The following SDF2L1 variants were observed in gnomAD, a reference collection of about 807,000 sequenced individuals.
SDF2L1 encodes the protein stromal cell derived factor 2 like 1.
A neutral mutation model predicts 19.4 loss-of-function variants in SDF2L1; 18 were observed. The ratio of observed to expected loss-of-function variants is 0.93; its 90% CI spans 0.64 to 1.38. The LOEUF (loss-of-function observed/expected upper bound fraction) is 1.38. Among genes scored for constraint, SDF2L1 ranks in the 40% most tolerant of loss-of-function variants. The pLI is 0.00. For missense variants in SDF2L1, 263 were observed against 319.4 expected (o/e 0.82, Z 1.35); for synonymous variants, 161 against 148.9 (o/e 1.08, Z -0.59).
chr22:21,643,992 C>T lies in SDF2L1; in HGVS notation c.483C>T (p.Arg161=), dbSNP rs1293729782. The change falls in exon 3 of 3, where the codon CGC becomes CGT. Residue 161 remains arginine, a synonymous_variant. Transcript: ENST00000248958. ...GQHWEREAAV[R]FQHVGTSVFL... is the part of the protein sequence containing the mutation. ...ACTGGGAGCGTGAGGCTGCTGTGCG[C>T]TTCCAGCATGTGGGCACCTCTGTGT... 3.1e-6 allele frequency: 5 copies of T among 1,614,174 alleles called. No homozygotes were observed. Among genetic ancestry groups the T allele is most frequent in the Non-Finnish European group, 3.4e-6 (4 of 1,180,034 alleles).
chr22:21,643,136 G>C (rs1469936205), intron 2 of SDF2L1, 78 bp downstream of exon 2: 16 of 1,469,218 alleles, frequency 1.1e-5, no homozygotes, highest in Non-Finnish European at 1.5e-5. Context: ...GTTCCAATCC[G>C]AGCCTCAGCT....
Position 21,642,461 on chromosome 22 carries a change from T to C in SDF2L1, c.125T>C (p.Leu42Pro). ...GAELVTCGSV[L>P]KLLNTHHRVR... is the part of the protein sequence containing the mutation. ...GAGCTCGTGACCTGCGGGTCGGTGCTGAAGCTGCTCAATACGCACCACCGC... is the reference window on the plus strand; with the variant it reads ...GAGCTCGTGACCTGCGGGTCGGTGCCGAAGCTGCTCAATACGCACCACCGC... Residue 42 changes from leucine to proline, a missense_variant, in exon 1 of 3, where the codon CTG (leucine) becomes CCG (proline). Physicochemically the swap from Leu to Pro is moderately conservative, Grantham distance 98 (BLOSUM62 -3). Around this residue, in one of 3 missense-constraint regions of SDF2L1, gnomAD observed 203 missense variants for 256.9 expected, o/e 0.79. Transcript: ENST00000248958. The C allele has an allele frequency of 6.6e-7, 1 of 1,506,590 alleles. No homozygotes were observed. Among genetic ancestry groups the C allele is most frequent in the Admixed American group, 2.6e-5 (1 of 37,874 alleles). 93.3% of individuals were successfully genotyped at this position (1,506,590 alleles called of 1,614,324 possible).
chr22:21,642,810 C>T (rs1322198902), intron 1 of SDF2L1, 52 bp from the exon 2 acceptor site: 2 of 1,545,682 alleles, frequency 1.3e-6, no homozygotes, highest in East Asian at 2.4e-5. Context: ...GGCGAGGGTC[C>T]GGGGTTCCGC....
chr22:21,642,409 G>C lies in SDF2L1; in HGVS notation c.73G>C (p.Gly25Arg). Residue 25 changes from glycine (G) to arginine (R), a missense_variant, in exon 1 of 3, where the codon GGC becomes CGC. Gly to Arg is a moderately radical substitution (Grantham distance 125, BLOSUM62 -2). Around this residue, in one of 3 missense-constraint regions of SDF2L1, gnomAD observed 56 missense variants for 45.3 expected, o/e 1.24. Transcript: ENST00000248958. The stretch of plus-strand genomic sequence containing the variant: ...GCTGCTGCTGGCGCTGTTAGTGCCG[G>C]GCGGTGGTGCCGCCAAGACCGGTGC... Reference protein sequence around the residue: ...LGLLLALLVPGGGAAKTGAEL... With the variant: ...LGLLLALLVPRGGAAKTGAEL... The C allele has an allele frequency of 1.4e-6, 2 of 1,456,052 alleles. No individual in the cohort carries two copies. The highest frequency in any genetic ancestry group is 1.8e-6 in the Non-Finnish European group (2 of 1,114,196). The allele number at this position is 1,456,052 out of a possible 1,614,324, so 90.2% of individuals were successfully genotyped here.
rs373881819 is a variant in SDF2L1 at position 21,642,872 on chromosome 22, G to A, written c.198G>A (p.Gln66=). ...HDIKYGSGSG[Q]QSVTGVEASD... ...GGTGTCACTCCTCAGGCAGCGGCCA[G>A]CAATCGGTGACCGGCGTAGAGGCGT... is the stretch of plus-strand genomic sequence containing the variant. The change falls in exon 2 of 3, where the codon CAG becomes CAA. Residue 66 remains glutamine, a synonymous_variant. Coordinates refer to ENST00000248958, the MANE Select transcript of SDF2L1 (RefSeq NM_022044.3). 3 of 1,596,274 alleles carry A rather than the reference G, an allele frequency of 1.9e-6. No homozygotes were observed. In the African/African-American group the frequency reaches 4.0e-5, roughly 21 times the overall value.
chr22:21,642,765 C>A, intron 1 of SDF2L1, 97 bp from the exon 2 acceptor site: 1 of 1,424,218 alleles, frequency 7.0e-7, no homozygotes, highest in Non-Finnish European at 9.5e-7. Context: ...TGGGGGTGAG[C>A]CCTTGGGGTC....
At chr22:21,643,121 C>T (rs2066094291) in intron 2 of SDF2L1, 63 bp downstream of exon 2, 1 of 1,516,916 alleles carries the variant, frequency 6.6e-7, no homozygotes, top group Non-Finnish European at 8.9e-7. Context: ...GAGACAGAGC[C>T]CTGGGTTCCA....
rs139376338 is a variant in SDF2L1 at position 21,642,867 on chromosome 22, G to A, written c.193G>A (p.Gly65Ser). ...TGTGGGGTGTCACTCCTCAGGCAGC[G>A]GCCAGCAATCGGTGACCGGCGTAGA... ...SHDIKYGSGS[G>S]QQSVTGVEAS... The change falls in exon 2 of 3, where the codon GGC becomes AGC. Residue 65 changes from glycine (G) to serine (S), a missense_variant. Physicochemically the swap from Gly to Ser is moderately conservative, Grantham distance 56. This residue lies in a region of SDF2L1 where 203 missense variants were observed against 256.9 expected (regional missense o/e 0.79). Transcript: ENST00000248958. The A allele has an allele frequency of 2.5e-6, 4 of 1,595,088 alleles. No individual in the cohort carries two copies. Among genetic ancestry groups the A allele is most frequent in the East Asian group, 2.3e-5 (1 of 43,766 alleles).
intron 2 of SDF2L1, among the ~76,000 whole-genome samples, chr22:21,643,498 CAG>C (rs2066097225): frequency 6.6e-6 from 1 of 152,132 alleles, no homozygotes; most frequent in Non-Finnish European, 1.5e-5. Context: ...CATTGGAATT[CAG>C]GGGATTGGAA....
At position 21,642,372 on chromosome 22, in the gene SDF2L1, G is replaced by T. The variant is rs943788508; in HGVS notation, c.36G>T (p.Pro12=). The T allele has an allele frequency of 1.4e-6, 2 of 1,420,366 alleles. No homozygotes were observed. The highest frequency in any genetic ancestry group is 7.5e-5 in the Admixed American group (2 of 26,686). 88.0% of individuals were successfully genotyped at this position (1,420,366 alleles called of 1,614,324 possible). A position where few individuals can be genotyped will look rare whatever the true frequency, so the allele number is the denominator to read the frequency against. The change falls in exon 1 of 3, where the codon CCG becomes CCT. Residue 12 remains proline, a synonymous_variant. Coordinates refer to ENST00000248958, the MANE Select transcript of SDF2L1 (RefSeq NM_022044.3). The part of the protein sequence containing the change: ...WSAGRGGAAW[P]VLLGLLLALL... ...CGGGCCGCGGCGGGGCTGCCTGGCC[G>T]GTGCTGTTGGGGCTGCTGCTGGCGC...
At chr22:21,643,273 G>A (rs2066095652) in intron 2 of SDF2L1, 9 of 614,788 alleles carry the variant, frequency 1.5e-5, no homozygotes, top group Admixed American at 3.0e-5. Flanking sequence ...ACGGGAGAGA[G>A]ATCCGGAGAG....
Position 21,644,120 on chromosome 22 carries a change from A to G in SDF2L1, c.611A>G (p.Glu204Gly), listed in dbSNP as rs754155726. The G allele has an allele frequency of 3.1e-6, 5 of 1,614,178 alleles. No homozygotes were observed. The Admixed American group carries it at 8.3e-5, about 27-fold the overall frequency. ...ANTHNTWKAM[E>G]GIFIKPSVEP... Reference sequence around the variant, plus strand: ...ACGCACAATACGTGGAAGGCCATGGAAGGCATCTTCATCAAGCCTAGTGTG... The same window carrying G: ...ACGCACAATACGTGGAAGGCCATGGGAGGCATCTTCATCAAGCCTAGTGTG... The change falls in exon 3 of 3, where the codon GAA (glutamate) becomes GGA (glycine). Residue 204 changes from glutamate (E) to glycine (G), a missense_variant. Physicochemically the swap from Glu to Gly is moderately conservative, Grantham distance 98. Coordinates refer to ENST00000248958, the MANE Select transcript of SDF2L1 (RefSeq NM_022044.3).
At position 21,643,907 on chromosome 22, in the gene SDF2L1, T is replaced by C; in HGVS notation, c.398T>C (p.Phe133Ser). Reference sequence around the variant, plus strand: ...TTGCACCTATAGGAGGTGAGTGCCTTTGGGGAAGACGGCGAGGGCGACGAC... The same window carrying C: ...TTGCACCTATAGGAGGTGAGTGCCTCTGGGGAAGACGGCGAGGGCGACGAC... ...PLSNNQEVSA[F>S]GEDGEGDDLD... Residue 133 changes from phenylalanine to serine, a missense_variant, in exon 3 of 3, where the codon TTT becomes TCT. Around this residue, in one of 3 missense-constraint regions of SDF2L1, gnomAD observed 203 missense variants for 256.9 expected, o/e 0.79. Coordinates refer to ENST00000248958, the MANE Select transcript of SDF2L1 (RefSeq NM_022044.3). 1 of 1,612,902 alleles carries C rather than the reference T, an allele frequency of 6.2e-7. No homozygotes were observed. Among genetic ancestry groups the C allele is most frequent in the East Asian group, 2.2e-5 (1 of 44,834 alleles).
In SDF2L1 at chr22:21,643,944, G is replaced by A; in HGVS notation, c.435G>A (p.Trp145Ter). 1 of 1,614,102 alleles carries A rather than the reference G, an allele frequency of 6.2e-7. No homozygotes were observed. Among genetic ancestry groups the A allele is most frequent in the Middle Eastern group, 1.6e-4 (1 of 6,062 alleles). ...EDGEGDDLDLWTVRCSGQHWE... is the reference protein window; with the variant it reads ...EDGEGDDLDL ...GCGAGGGCGACGACCTGGACCTATG[G>A]ACAGTGCGCTGCTCTGGACAGCACT... The change falls in exon 3 of 3, where the codon TGG (tryptophan) becomes TGA (stop). Residue 145 changes from tryptophan to a stop codon, truncating the protein, a stop_gained. Coordinates refer to ENST00000248958, the MANE Select transcript of SDF2L1 (RefSeq NM_022044.3). LOFTEE classifies it high-confidence loss of function.
At position 21,642,348 on chromosome 22, in the gene SDF2L1, G is replaced by T. The variant is rs1601469366; in HGVS notation, c.12G>T (p.Ala4=). MWS[A]GRGGAAWPVL... Reference sequence around the variant, plus strand: ...GCCGGGCCGGGGCGATGTGGAGCGCGGGCCGCGGCGGGGCTGCCTGGCCGG... The same window carrying T: ...GCCGGGCCGGGGCGATGTGGAGCGCTGGCCGCGGCGGGGCTGCCTGGCCGG... The change falls in exon 1 of 3, where the codon GCG becomes GCT. Residue 4 remains alanine (A), a synonymous_variant. Coordinates refer to ENST00000248958, the MANE Select transcript of SDF2L1 (RefSeq NM_022044.3). The T allele has an allele frequency of 1.4e-6, 2 of 1,382,574 alleles. No homozygotes were observed. The highest frequency in any genetic ancestry group is 1.8e-5 in the South Asian group (1 of 56,952). 85.6% of individuals were successfully genotyped at this position (1,382,574 alleles called of 1,614,324 possible). A position where few individuals can be genotyped will look rare whatever the true frequency, so the allele number is the denominator to read the frequency against.
chr22:21,642,453 G>C lies in SDF2L1; in HGVS notation c.117G>C (p.Gly39=). 6.7e-7 allele frequency: 1 copy of C among 1,483,656 alleles called. No individual in the cohort carries two copies. Among genetic ancestry groups the C allele is most frequent in the Non-Finnish European group, 8.9e-7 (1 of 1,125,848 alleles). The allele number at this position is 1,483,656 out of a possible 1,614,324, so 91.9% of individuals were successfully genotyped here. ...AKTGAELVTC[G]SVLKLLNTHH... ...CCGGTGCGGAGCTCGTGACCTGCGG[G>C]TCGGTGCTGAAGCTGCTCAATACGC... Residue 39 remains glycine (G), a synonymous_variant, in exon 1 of 3, where the codon GGG becomes GGC. Transcript: ENST00000248958.
At chr22:21,642,592 T>G (rs2066087598) in intron 1 of SDF2L1, 69 bp downstream of exon 1, 4 of 1,467,786 alleles carry the variant, frequency 2.7e-6, no homozygotes, top group Admixed American at 2.9e-5. Flanking sequence ...GGAGACAGGG[T>G]GGTCATGGGG....
At position 21,642,899 on chromosome 22, in the gene SDF2L1, G is replaced by A. The variant is rs933313566; in HGVS notation, c.225G>A (p.Ser75=). 4.4e-6 allele frequency: 7 copies of A among 1,595,664 alleles called. No homozygotes were observed. The highest frequency in any genetic ancestry group is 6.0e-6 in the Non-Finnish European group (7 of 1,173,032). The change falls in exon 2 of 3, where the codon TCG becomes TCA. Residue 75 remains serine, a synonymous_variant. Coordinates refer to ENST00000248958, the MANE Select transcript of SDF2L1 (RefSeq NM_022044.3). The part of the protein sequence containing the change: ...GQQSVTGVEA[S]DDANSYWRIR... ...AATCGGTGACCGGCGTAGAGGCGTC[G>A]GACGACGCCAATAGCTACTGGCGGA...
intron 2 of SDF2L1, among the ~76,000 whole-genome samples, chr22:21,643,688 C>A (rs1180161331): frequency 2.0e-5 from 3 of 152,154 alleles, no homozygotes; most frequent in African/African-American, 7.2e-5. Flanking sequence ...TCTGCACAGA[C>A]AGATGCAATG....
Sources: allele counts gnomAD v4.1 joint callset (sites outside exome capture counted in the v4.1 genomes callset), GRCh38; gene constraint gnomAD v4.1.1; regional missense constraint gnomAD v4.1.1; transcripts MANE v1.5; gene names NCBI Gene and HGNC (gene_info 2026-07-23, HGNC 2026-07-21).